The following TP53BP1 variants were observed in gnomAD, a reference collection of about 807,000 sequenced individuals.
TP53BP1 encodes TP53-binding protein 1.
In TP53BP1, 61 loss-of-function variants were observed where a neutral mutation model predicts 200.8. That is an observed-to-expected ratio of 0.30 (90% CI 0.25 to 0.38). The LOEUF is 0.38. Among genes scored for constraint, TP53BP1 ranks in the 10% least tolerant of loss-of-function variants. The pLI is 1.00. For synonymous variants in TP53BP1, 822 were observed against 844.3 expected, an observed-to-expected ratio of 0.97 and a Z score of 0.46; for missense variants, 2,144 against 2,371.9, an observed-to-expected ratio of 0.90 and a Z score of 2.00.
chr15:43,414,181 G>A (rs1349818193), intron 23 of TP53BP1: 6 of 450,006 alleles, frequency 1.3e-5, no homozygotes, highest in African/African-American at 1.2e-4. Flanking sequence ...GAACGAGGCT[G>A]GAATTAGAAG....
chr15:43,506,337 T>A (rs1197908445), intron 1 of TP53BP1, among the ~76,000 whole-genome samples: 1 of 152,210 alleles, frequency 6.6e-6, no homozygotes, highest in Non-Finnish European at 1.5e-5. Context: ...GTGCTTAATT[T>A]ACCTATTGGA....
chr15:43,477,566 G>C (rs1012407520), intron 8 of TP53BP1, 27 bp downstream of exon 8: 2 of 1,582,198 alleles, frequency 1.3e-6, no homozygotes, highest in African/African-American at 1.4e-5. Flanking sequence ...TTGGAGAAGA[G>C]CTGTAACGAC....
chr15:43,507,512 G>A (rs1398884569), intron 1 of TP53BP1, among the ~76,000 whole-genome samples: 1 of 152,228 alleles, frequency 6.6e-6, no homozygotes, highest in African/African-American at 2.4e-5. Flanking sequence ...ACCCTTGGAA[G>A]GGCCTTTGAA....
intron 15 of TP53BP1, among the ~76,000 whole-genome samples, chr15:43,440,869 A>G (rs1020342019): frequency 1.3e-5 from 2 of 152,228 alleles, no homozygotes; most frequent in African/African-American, 2.4e-5. Context: ...AGCCTGGGCA[A>G]CAGAGCAAGA....
chr15:43,459,383 C>A (rs2046376703), intron 11 of TP53BP1, among the ~76,000 whole-genome samples: 1 of 152,032 alleles, frequency 6.6e-6, no homozygotes, highest in Admixed American at 6.6e-5. Flanking sequence ...TTCATAAATT[C>A]ATGGGAAATT....
At chr15:43,483,465 A>T (rs377346829) in intron 4 of TP53BP1, among the ~76,000 whole-genome samples, 4 of 152,334 alleles carry the variant, frequency 2.6e-5, no homozygotes, top group African/African-American at 9.6e-5. Context: ...GAGAGAAAAG[A>T]TGCCAAAATG....
chr15:43,467,150 T>C (rs12912941), intron 11 of TP53BP1, among the ~76,000 whole-genome samples: 2 of 151,874 alleles, frequency 1.3e-5, no homozygotes, highest in Admixed American at 6.6e-5. Flanking sequence ...ACTTCCCAGA[T>C]TCAAGCAATT....
At chr15:43,510,159 A>T in intron 1 of TP53BP1, among the ~76,000 whole-genome samples, 1 of 114,076 alleles carries the variant, frequency 8.8e-6, no homozygotes, top group East Asian at 3.0e-4. Flanking sequence ...TTCTGTTTTA[A>T]GAACTCCCGG....
At chr15:43,407,633 A>G in intron 27 of TP53BP1, 63 bp from the exon 28 acceptor site, 1 of 1,491,740 alleles carries the variant, frequency 6.7e-7, no homozygotes, top group Non-Finnish European at 9.1e-7. Context: ...CATTAGAAAG[A>G]GAGATTTGAT....
At chr15:43,428,686 T>C (rs909993257) in intron 17 of TP53BP1, among the ~76,000 whole-genome samples, 1 of 152,192 alleles carries the variant, frequency 6.6e-6, no homozygotes, top group East Asian at 1.9e-4. Context: ...TACACTGATC[T>C]CTCCTAGAAT....
chr15:43,478,027 T>C (rs2078909976), intron 7 of TP53BP1, among the ~76,000 whole-genome samples: 1 of 152,248 alleles, frequency 6.6e-6, no homozygotes, highest in African/African-American at 2.4e-5. Flanking sequence ...CTAAGATTTC[T>C]GATGAGTAAC....
At chr15:43,413,016 C>T (rs1206227435) in intron 24 of TP53BP1, 103 bp downstream of exon 24, 1 of 1,087,144 alleles carries the variant, frequency 9.2e-7, no homozygotes, top group Non-Finnish European at 1.3e-6. Flanking sequence ...TGCTACTTGC[C>T]TTGCCTCCTC....
At chr15:43,494,506 G>A (rs953664789), upstream of TP53BP1, among the ~76,000 whole-genome samples, 30 of 152,168 alleles carry the variant, frequency 2.0e-4, no homozygotes, top group Non-Finnish European at 3.4e-4. Context: ...TATAATTATG[G>A]TCGCCAGTAT....
At chr15:43,418,797 G>A (rs2045326656) in intron 21 of TP53BP1, among the ~76,000 whole-genome samples, 1 of 152,160 alleles carries the variant, frequency 6.6e-6, no homozygotes, top group African/African-American at 2.4e-5. Context: ...CAGTCATACA[G>A]ACACAGCACT....
rs56813954 is a variant in TP53BP1, at chr15:43,409,748, TA to T, written c.5306-8del. On this transcript the variant is annotated splice_region_variant and splice_polypyrimidine_tract_variant and intron_variant, in intron 24 of 27. Transcript: ENST00000382044. The stretch of plus-strand genomic sequence containing the variant: ...GGAGGAATTTCCAAAAATTCTATAT[TA>T]AAAAAAAAAACCAAGATAATAATTA... 311,947 of 1,201,630 alleles carry T rather than the reference TA, an allele frequency of 0.26. 29,438 individuals are homozygous for T. Among genetic ancestry groups the T allele is most frequent in the East Asian group, 0.36 (12,996 of 35,742 alleles). 74.4% of individuals were successfully genotyped at this position (1,201,630 alleles called of 1,614,324 possible).
At chr15:43,508,717 A>G (rs1050794824) in intron 1 of TP53BP1, among the ~76,000 whole-genome samples, 3 of 152,234 alleles carry the variant, frequency 2.0e-5, no homozygotes, top group African/African-American at 7.2e-5. Context: ...AACCAAGGAA[A>G]GAGGAGGATA....
intron 1 of TP53BP1, among the ~76,000 whole-genome samples, chr15:43,508,645 G>T (rs989657981): frequency 6.6e-6 from 1 of 152,064 alleles, no homozygotes; most frequent in Non-Finnish European, 1.5e-5. Flanking sequence ...ATATATATAC[G>T]TATATTTTGA....
chr15:43,454,695 T>C (rs773711856), intron 12 of TP53BP1, among the ~76,000 whole-genome samples: 4 of 151,850 alleles, frequency 2.6e-5, no homozygotes, highest in South Asian at 4.2e-4. Context: ...TTCAGAAAGA[T>C]TGAATTATTT....
Position 43,403,710 on chromosome 15 carries a change from G to C in TP53BP1, c.*3673C>G. ...GTTTCACTGCCTGAATGAAATCCTA[G>C]ATCTCTGTCACAGTTTTTGTTCGCT... On this transcript the variant is annotated 3_prime_UTR_variant, in exon 28 of 28. Coordinates refer to ENST00000382044, the MANE Select transcript of TP53BP1 (RefSeq NM_001141980.3). The C allele has an allele frequency of 6.2e-7, 1 of 1,613,060 alleles. No individual in the cohort carries two copies. The highest frequency in any genetic ancestry group is 8.5e-7 in the Non-Finnish European group (1 of 1,179,916).
Sources: allele counts gnomAD v4.1 joint callset (sites outside exome capture counted in the v4.1 genomes callset), GRCh38; gene constraint gnomAD v4.1.1; transcripts MANE v1.5; gene names NCBI Gene and HGNC (gene_info 2026-07-23, HGNC 2026-07-21).